PDE4D: variants seen among roughly 807,000 people sequenced by gnomAD.
PDE4D encodes the protein 3',5'-cyclic-AMP phosphodiesterase 4D.
PDE4D carries 24 observed loss-of-function variants against 87.4 expected under a neutral mutation model. The observed-to-expected ratio is 0.27, with a 90% CI of 0.20 to 0.39. The LOEUF (loss-of-function observed/expected upper bound fraction) is 0.39. PDE4D is among the 10% of genes least tolerant of loss of function. The pLI is 1.00. For synonymous variants in PDE4D, 384 were observed against 383.2 expected (o/e 1.00, Z -0.02); for missense variants, 714 against 1,041.0 (o/e 0.69, Z 4.32).
intron 3 of PDE4D, among the ~76,000 whole-genome samples, chr5:59,949,922 T>C (rs1758123367): frequency 6.6e-6 from 1 of 152,192 alleles, no homozygotes; most frequent in African/African-American, 2.4e-5. Flanking sequence ...GCAAATCCAC[T>C]TTATGATTAT....
chr5:60,281,453 C>G (rs1403876292), intron 1 of PDE4D, among the ~76,000 whole-genome samples: 1 of 152,128 alleles, frequency 6.6e-6, no homozygotes, highest in African/African-American at 2.4e-5. Flanking sequence ...ATTCTATATC[C>G]ACACTACTTT....
At chr5:59,865,154 A>G (rs1040747638) in intron 1 of PDE4D, among the ~76,000 whole-genome samples, 35 of 152,206 alleles carry the variant, frequency 2.3e-4, no homozygotes, top group Non-Finnish European at 5.9e-5. Context: ...GAAATAAAGG[A>G]GAACATCTGA....
At chr5:59,024,936 G>T (rs1254090688) in intron 6 of PDE4D, among the ~76,000 whole-genome samples, 1 of 151,838 alleles carries the variant, frequency 6.6e-6, no homozygotes. Flanking sequence ...AAAGATACAA[G>T]AGGACAAGTG....
intron 2 of PDE4D, among the ~76,000 whole-genome samples, chr5:60,012,157 C>T (rs907021107): frequency 6.6e-6 from 1 of 152,136 alleles, no homozygotes; most frequent in African/African-American, 2.4e-5. Flanking sequence ...TACTCCCTAT[C>T]AATGCCTAAG....
At chr5:59,641,108 G>A (rs544358165) in intron 1 of PDE4D, among the ~76,000 whole-genome samples, 4 of 151,978 alleles carry the variant, frequency 2.6e-5, no homozygotes, top group Admixed American at 1.3e-4. Flanking sequence ...GACTTTCTCC[G>A]GCTTCCTAGT....
chr5:59,993,309 T>C (rs1763199523), intron 2 of PDE4D, among the ~76,000 whole-genome samples: 2 of 152,144 alleles, frequency 1.3e-5, no homozygotes, highest in South Asian at 4.1e-4. Flanking sequence ...TTAATAAAAC[T>C]GTTTGGCAAA....
At chr5:59,566,013 A>G (rs542734200) in intron 1 of PDE4D, among the ~76,000 whole-genome samples, 5 of 152,352 alleles carry the variant, frequency 3.3e-5, no homozygotes, top group Non-Finnish European at 7.3e-5. Flanking sequence ...AATTTTATAT[A>G]TAAATACAAA....
At chr5:59,747,350 A>G (rs191373687) in intron 1 of PDE4D, among the ~76,000 whole-genome samples, 141 of 152,264 alleles carry the variant, frequency 9.3e-4, no homozygotes, top group Middle Eastern at 3.4e-3. Flanking sequence ...ACTTCTTTGC[A>G]TATCCTTTTA....
At chr5:59,673,255 T>C (rs796933138) in intron 1 of PDE4D, among the ~76,000 whole-genome samples, 19 of 152,328 alleles carry the variant, frequency 1.2e-4, no homozygotes, top group East Asian at 5.8e-4. Flanking sequence ...AAAATGGCTA[T>C]GTAAACTTTA....
intron 1 of PDE4D, among the ~76,000 whole-genome samples, chr5:60,346,007 G>A (rs529805253): frequency 5.5e-4 from 84 of 151,814 alleles, no homozygotes; most frequent in African/African-American, 1.9e-3. Flanking sequence ...GCTTATATCC[G>A]TTGAGTAAAA....
At chr5:60,119,530 A>T (rs993552294) in intron 2 of PDE4D, among the ~76,000 whole-genome samples, 1 of 152,216 alleles carries the variant, frequency 6.6e-6, no homozygotes, top group Non-Finnish European at 1.5e-5. Context: ...CTCTGGAATT[A>T]GATTTTCTGG....
At chr5:60,260,674 T>C (rs1364543282) in intron 1 of PDE4D, among the ~76,000 whole-genome samples, 1 of 152,114 alleles carries the variant, frequency 6.6e-6, no homozygotes, top group Non-Finnish European at 1.5e-5. Flanking sequence ...GTAAAATGAC[T>C]TTACATGGAT....
intron 6 of PDE4D, among the ~76,000 whole-genome samples, chr5:59,003,951 G>T (rs920423577): frequency 1.4e-5 from 2 of 146,972 alleles, no homozygotes; most frequent in African/African-American, 4.9e-5. Flanking sequence ...CAGGCTCACT[G>T]CCTTCCCCCT....
chr5:60,334,283 A>G (rs1459771514), intron 1 of PDE4D, among the ~76,000 whole-genome samples: 2 of 152,140 alleles, frequency 1.3e-5, no homozygotes, highest in East Asian at 1.9e-4. Context: ...CCTACTGATA[A>G]CTCCTTCTGA....
intron 1 of PDE4D, among the ~76,000 whole-genome samples, chr5:60,475,169 T>C (rs1748215439): frequency 6.6e-6 from 1 of 152,182 alleles, no homozygotes; most frequent in Admixed American, 6.5e-5. Flanking sequence ...CTAAGCACCC[T>C]GTCTTTCTTT....
At chr5:58,986,875 T>C (rs1746553992) in intron 11 of PDE4D, among the ~76,000 whole-genome samples, 1 of 152,148 alleles carries the variant, frequency 6.6e-6, no homozygotes, top group Non-Finnish European at 1.5e-5. Context: ...CTTCTAAATC[T>C]ACTCTTAATT....
intron 1 of PDE4D, among the ~76,000 whole-genome samples, chr5:59,472,884 A>G (rs1427492716): frequency 2.0e-5 from 3 of 152,128 alleles, no homozygotes; most frequent in Non-Finnish European, 4.4e-5. Flanking sequence ...CATAGGAGGA[A>G]AGTAAGGGCT....
intron 1 of PDE4D, among the ~76,000 whole-genome samples, chr5:59,480,646 TG>T (rs1434275313): frequency 1.3e-5 from 2 of 152,188 alleles, no homozygotes; most frequent in African/African-American, 2.4e-5. Flanking sequence ...GAATACCCCA[TG>T]AAGCCAGGCA....
intron 3 of PDE4D, among the ~76,000 whole-genome samples, chr5:59,913,501 A>G (rs1753669768): frequency 1.3e-5 from 2 of 152,214 alleles, no homozygotes. Flanking sequence ...AATTTAATAC[A>G]TATAAATTAA....
Sources: gnomAD v4.1 joint callset for allele counts (sites outside exome capture counted in the v4.1 genomes callset) on GRCh38, gnomAD v4.1.1 for gene constraint, MANE v1.5 for transcripts, NCBI Gene and HGNC (gene_info 2026-07-23, HGNC 2026-07-21) for gene names.